CCDC149: variants seen among roughly 807,000 people sequenced by gnomAD.
CCDC149 encodes coiled-coil domain containing 149.
In CCDC149, 45 loss-of-function variants were observed where a neutral mutation model predicts 59.9. The observed-to-expected ratio is 0.75, with a 90% CI of 0.59 to 0.96. The LOEUF (loss-of-function observed/expected upper bound fraction) is 0.96. CCDC149 is among the 40% of genes least tolerant of loss of function. The pLI is 0.00. For missense variants in CCDC149, 584 were observed against 664.7 expected (o/e 0.88, Z 1.33); for synonymous variants, 245 against 260.6 (o/e 0.94, Z 0.58).
intron 12 of CCDC149, among the ~76,000 whole-genome samples, chr4:24,817,308 C>T (rs1339700836): frequency 6.6e-6 from 1 of 152,124 alleles, no homozygotes; most frequent in African/African-American, 2.4e-5. Flanking sequence ...CATGGTGTTC[C>T]AGGCCAGCCT....
At chr4:24,941,443 A>G (rs1304738585) in intron 1 of CCDC149, among the ~76,000 whole-genome samples, 1 of 152,218 alleles carries the variant, frequency 6.6e-6, no homozygotes, top group African/African-American at 2.4e-5. Flanking sequence ...AAGAGAAAGC[A>G]GGAAAGATCT....
intron 1 of CCDC149, among the ~76,000 whole-genome samples, chr4:24,898,204 C>T (rs1003864468): frequency 4.6e-5 from 7 of 152,304 alleles, no homozygotes; most frequent in Non-Finnish European, 8.8e-5. Flanking sequence ...ATAGGAGCAT[C>T]GCCTCACCTG....
chr4:24,939,473 T>C (rs989903375), intron 1 of CCDC149, among the ~76,000 whole-genome samples: 11 of 152,046 alleles, frequency 7.2e-5, no homozygotes, highest in Admixed American at 4.6e-4. Flanking sequence ...CTGGAAACTC[T>C]AAAAATCAGA....
intron 1 of CCDC149, among the ~76,000 whole-genome samples, chr4:24,967,090 A>C (rs1723823859): frequency 1.3e-5 from 2 of 152,280 alleles, no homozygotes; most frequent in South Asian, 4.1e-4. Context: ...CTGCCTGTTT[A>C]TATACTGTGT....
At chr4:24,874,255 T>TTTTA (rs1560230487) in intron 2 of CCDC149, among the ~76,000 whole-genome samples, 1 of 80,716 alleles carries the variant, frequency 1.2e-5, no homozygotes, top group African/African-American at 6.9e-5. Flanking sequence ...TTTTTTTTTT[T>TTTTA]TTTTGTTTTG....
chr4:24,922,742 G>A (rs922255313), intron 1 of CCDC149, among the ~76,000 whole-genome samples: 1 of 152,110 alleles, frequency 6.6e-6, no homozygotes, highest in Non-Finnish European at 1.5e-5. Context: ...TATTGCCTTT[G>A]GAACTTTTCT....
Position 24,949,050 on chromosome 4 carries a change from T to C in CCDC149, c.-65+31019A>G, listed in dbSNP as rs1723200495. The stretch of plus-strand genomic sequence containing the variant: ...AATTACCCAGTCTCTGGTATGTCTT[T>C]ATCAGCAGTGTGAAAACAGACTAAT... On this transcript the variant is annotated intron_variant, in intron 1 of 12. Coordinates refer to the CCDC149 transcript ENST00000389609. 2.6e-5 allele frequency among the ~76,000 whole-genome samples: 4 copies of C among 152,320 alleles called. No individual in the cohort carries two copies. The South Asian group carries it at 8.3e-4, about 32-fold the overall frequency.
intron 1 of CCDC149, among the ~76,000 whole-genome samples, chr4:24,968,625 G>C (rs1467085145): frequency 6.6e-6 from 1 of 152,232 alleles, no homozygotes; most frequent in Non-Finnish European, 1.5e-5. Context: ...ATGGTACAAA[G>C]ATGGGTCTAG....
intron 1 of CCDC149, among the ~76,000 whole-genome samples, chr4:24,898,248 A>G (rs996816078): frequency 4.6e-5 from 7 of 152,140 alleles, no homozygotes; most frequent in Admixed American, 4.6e-4. Flanking sequence ...ACACTTTCAC[A>G]TACATCATCT....
chr4:24,940,914 C>T (rs1377771749), intron 1 of CCDC149, among the ~76,000 whole-genome samples: 1 of 152,184 alleles, frequency 6.6e-6, no homozygotes, highest in African/African-American at 2.4e-5. Context: ...TAGTGACCTA[C>T]AAAGAGACTT....
chr4:24,922,407 AT>A (rs1444094672), intron 1 of CCDC149, among the ~76,000 whole-genome samples: 2 of 152,204 alleles, frequency 1.3e-5, no homozygotes, highest in African/African-American at 4.8e-5. Context: ...AGCAGTTTGA[AT>A]TGGCACTCAC....
rs5856868 is a variant in CCDC149, at chr4:24,874,244, G to GTTTTTTTTTTTTTTTTTT, written c.226-526_226-525insAAAAAAAAAAAAAAAAAA. The stretch of plus-strand genomic sequence containing the variant: ...GAGAACTTCTAGTCCTATTAGATTT[G>GTTTTTTTTTTTTTTTTTT]TTTTTTTTTTTTTTTGTTTTGTTTT... On this transcript the variant is annotated intron_variant, in intron 2 of 12. Transcript: ENST00000635206. Among the ~76,000 whole-genome samples, 34 of 87,484 alleles carry GTTTTTTTTTTTTTTTTTT rather than the reference G, an allele frequency of 3.9e-4. 4 individuals are homozygous for GTTTTTTTTTTTTTTTTTT. The highest frequency in any genetic ancestry group is 1.8e-3 in the African/African-American group (31 of 17,170). The allele number at this position is 87,484 out of a possible 152,430, so 57.4% of individuals were successfully genotyped here.
At chr4:24,902,645 T>C (rs1721234221) in intron 1 of CCDC149, among the ~76,000 whole-genome samples, 1 of 152,182 alleles carries the variant, frequency 6.6e-6, no homozygotes, top group African/African-American at 2.4e-5. Context: ...CCATCAAGCC[T>C]CACCAACTGC....
At chr4:24,917,419 G>A (rs1287826303), upstream of CCDC149, among the ~76,000 whole-genome samples, 2 of 152,340 alleles carry the variant, frequency 1.3e-5, no homozygotes, top group East Asian at 1.9e-4. Context: ...CATCCTAAGG[G>A]GGCACAGGCT....
At chr4:24,839,422 G>A (rs553557081) in intron 4 of CCDC149, among the ~76,000 whole-genome samples, 2 of 152,034 alleles carry the variant, frequency 1.3e-5, no homozygotes, top group East Asian at 1.9e-4. Flanking sequence ...CTTGTGATCC[G>A]CCTGCCTCAG....
intron 1 of CCDC149, among the ~76,000 whole-genome samples, chr4:24,959,370 C>T (rs967569798): frequency 3.9e-5 from 6 of 152,258 alleles, no homozygotes; most frequent in Non-Finnish European, 7.4e-5. Context: ...GGGTTGGTCT[C>T]TACTGATTGA....
chr4:24,835,031 T>C lies in CCDC149; in HGVS notation c.737A>G (p.Asn246Ser). The change falls in exon 8 of 13, where the codon AAT (asparagine) becomes AGT (serine). Residue 246 changes from asparagine (N) to serine (S), a missense_variant and splice_region_variant. By Grantham distance (46) the Asn-to-Ser change is conservative (BLOSUM62 1). Transcript: ENST00000635206. ...CGAGTTTTTCCGTCTCTCCAGAGCA[T>C]TCTAAAACAGGATTGGGAGAGAATA... The C allele has an allele frequency of 4.3e-6, 7 of 1,612,412 alleles. No individual in the cohort carries two copies. Among genetic ancestry groups the C allele is most frequent in the Non-Finnish European group, 5.9e-6 (7 of 1,178,542 alleles).
At position 24,837,720 on chromosome 4, in the gene CCDC149, C is replaced by A. The variant is rs375992759; in HGVS notation, c.490-320G>T. ...ATACTTTTTCAAATCCACTCTAGAC[C>A]CAGAAATCTTGTTCTGCTCTTCAGT... On this transcript the variant is annotated intron_variant, in intron 5 of 12. Coordinates refer to ENST00000635206, the MANE Select transcript of CCDC149 (RefSeq NM_001330643.2). This position sits in a 1 kb window ranked among gnomAD's most constrained non-coding sequence, Gnocchi z 4.3. 5.2e-4 allele frequency among the ~76,000 whole-genome samples: 79 copies of A among 152,246 alleles called. No homozygotes were observed. The highest frequency in any genetic ancestry group is 1.8e-3 in the African/African-American group (74 of 41,530).
intron 1 of CCDC149, among the ~76,000 whole-genome samples, chr4:24,950,440 T>G (rs1723251295): frequency 6.6e-6 from 1 of 152,234 alleles, no homozygotes; most frequent in South Asian, 2.1e-4. Flanking sequence ...TCAACATCAC[T>G]TTACTATTTT....
Sources: gnomAD v4.1 joint callset for allele counts (sites outside exome capture counted in the v4.1 genomes callset) on GRCh38, gnomAD v4.1.1 for gene constraint, Gnocchi (gnomAD v3.1) non-coding constraint, MANE v1.5 for transcripts, NCBI Gene and HGNC (gene_info 2026-07-23, HGNC 2026-07-21) for gene names.